Variants in ABI3BP observed in about 807,000 individuals in gnomAD.
ABI3BP encodes target of Nesh-SH3.
ABI3BP carries 216 observed loss-of-function variants against 268.6 expected under a neutral mutation model. The observed-to-expected ratio is 0.80, with a 90% CI of 0.72 to 0.90. The LOEUF (loss-of-function observed/expected upper bound fraction) is 0.90. ABI3BP is among the 40% of genes least tolerant of loss of function. The pLI is 0.00. For missense variants in ABI3BP, 2,090 were observed against 2,182.4 expected (o/e 0.96, Z 0.84); for synonymous variants, 730 against 730.0 (o/e 1.00, Z 0.00).
chr3:100,799,140 A>G (rs934827580), intron 51 of ABI3BP, among the ~76,000 whole-genome samples: 1 of 152,192 alleles, frequency 6.6e-6, no homozygotes, highest in Non-Finnish European at 1.5e-5. Context: ...CATTTCCTTG[A>G]CATGGCTTCT....
intron 4 of ABI3BP, among the ~76,000 whole-genome samples, chr3:100,894,666 G>A (rs186962088): frequency 1.1e-4 from 17 of 152,158 alleles, no homozygotes; most frequent in East Asian, 7.7e-4. Context: ...ACGGCCGGGC[G>A]CGGTGGCTCA....
chr3:100,811,041 A>G (rs2097850516), intron 48 of ABI3BP, among the ~76,000 whole-genome samples, 189 bp downstream of exon 48: 1 of 152,154 alleles, frequency 6.6e-6, no homozygotes, highest in African/African-American at 2.4e-5. Context: ...GTCTTGTTAC[A>G]CAACTGAATG....
chr3:100,950,739 A>G (rs2074595701), intron 1 of ABI3BP, among the ~76,000 whole-genome samples: 1 of 151,962 alleles, frequency 6.6e-6, no homozygotes, highest in Non-Finnish European at 1.5e-5. Flanking sequence ...ATGGCATTTC[A>G]TATCTTTTCC....
intron 1 of ABI3BP, among the ~76,000 whole-genome samples, chr3:100,938,868 CA>C (rs1336489964): frequency 6.6e-6 from 1 of 151,974 alleles, no homozygotes; most frequent in South Asian, 2.1e-4. Context: ...GGTATGATGG[CA>C]TGAAAGAACA....
rs2097854782 is a variant in ABI3BP at position 100,811,232 on chromosome 3, A to G, written c.3539T>C (p.Leu1180Pro). 3 of 1,534,010 alleles carry G rather than the reference A, an allele frequency of 2.0e-6. No homozygotes were observed. The highest frequency in any genetic ancestry group is 2.6e-6 in the Non-Finnish European group (3 of 1,145,698). ...GGTTGGGCTACCGAGGTTATTACCT[A>G]GTGTGGTCTCAGGTGGTTCAGATAC... ...TYVSEPPETT[L>P]ETSPLPSQSI... The change falls in exon 48 of 68, where the codon CTA becomes CCA. Residue 1180 changes from leucine to proline, a missense_variant and splice_region_variant. Physicochemically the swap from Leu to Pro is moderately conservative, Grantham distance 98. Transcript: ENST00000471714.
Position 100,816,781 on chromosome 3 carries a change from A to C in ABI3BP, c.3149-13T>G. ...TGTGTTTTAGGAGCTGAAGGAAGAA[A>C]CTTTGGATTACTCTAGTGCAGGTGG... On this transcript the variant is annotated splice_polypyrimidine_tract_variant and intron_variant, in intron 42 of 67. Transcript: ENST00000471714. The C allele has an allele frequency of 6.5e-7, 1 of 1,534,870 alleles. No homozygotes were observed. Among genetic ancestry groups the C allele is most frequent in the Non-Finnish European group, 8.7e-7 (1 of 1,145,870 alleles).
At chr3:100,971,378 A>G (rs1200769387) in intron 1 of ABI3BP, among the ~76,000 whole-genome samples, 2 of 152,214 alleles carry the variant, frequency 1.3e-5, no homozygotes, top group Non-Finnish European at 2.9e-5. Context: ...TCGGTAAATA[A>G]AAAGCAAGTG....
intron 1 of ABI3BP, among the ~76,000 whole-genome samples, chr3:100,972,695 C>A (rs1261568844): frequency 6.6e-6 from 1 of 152,120 alleles, no homozygotes; most frequent in Non-Finnish European, 1.5e-5. Flanking sequence ...GGGGAAAACA[C>A]CCATGCTAAA....
rs2097233451 is a variant in ABI3BP at position 100,792,757 on chromosome 3, G to T, written c.3958C>A (p.Gln1320Lys). ...ELQTTLEETD[Q>K]STQEPFTTKI... ...GTTGTGAAAGGTTCTTGGGTGGATT[G>T]GTCTGTTTCTTCTAGAGAAAACACA... Residue 1320 changes from glutamine (Q) to lysine (K), a missense_variant, in exon 55 of 68, where the codon CAA becomes AAA. By Grantham distance (53) the Gln-to-Lys change is moderately conservative. Coordinates refer to ENST00000471714, the MANE Select transcript of ABI3BP (RefSeq NM_001375547.2). The T allele has an allele frequency of 1.2e-6, 2 of 1,611,096 alleles. No individual in the cohort carries two copies. Among genetic ancestry groups the T allele is most frequent in the African/African-American group, 2.7e-5 (2 of 74,842 alleles).
chr3:100,844,096 T>G (rs1388859861), intron 20 of ABI3BP: 1 of 982,530 alleles, frequency 1.0e-6, no homozygotes. Context: ...TAAGGTATTA[T>G]AGGTAAAGGT....
intron 43 of ABI3BP, chr3:100,816,345 C>T (rs1450829610): frequency 5.1e-5 from 22 of 430,670 alleles, no homozygotes; most frequent in Non-Finnish European, 8.3e-5. Flanking sequence ...AAAATAAATG[C>T]CTGTTTATGT....
intron 38 of ABI3BP, among the ~76,000 whole-genome samples, 186 bp from the exon 39 acceptor site, chr3:100,821,299 T>C (rs149626049): frequency 6.6e-6 from 1 of 152,206 alleles, no homozygotes; most frequent in African/African-American, 2.4e-5. Context: ...CTAACTCAGG[T>C]ACCTATTTCC....
chr3:100,873,610 TTA>T (rs1302584764), intron 9 of ABI3BP, among the ~76,000 whole-genome samples: 1 of 152,172 alleles, frequency 6.6e-6, no homozygotes, highest in Non-Finnish European at 1.5e-5. Flanking sequence ...CAGCCTATTG[TTA>T]TGTTTCACGG....
At chr3:100,825,665 A>C (rs2098367581) in intron 35 of ABI3BP, 120 bp downstream of exon 35, 1 of 784,264 alleles carries the variant, frequency 1.3e-6, no homozygotes, top group South Asian at 1.5e-5. Flanking sequence ...GGTCACAGGC[A>C]GTGATGTTTG....
chr3:100,808,276 A>G, intron 49 of ABI3BP, 41 bp from the exon 50 acceptor site: 2 of 1,491,066 alleles, frequency 1.3e-6, no homozygotes, highest in African/African-American at 1.4e-5. Flanking sequence ...TGAGCCCTTC[A>G]AGAATGACAG....
chr3:100,971,657 C>A (rs191347350), intron 1 of ABI3BP, among the ~76,000 whole-genome samples: 29 of 152,258 alleles, frequency 1.9e-4, no homozygotes, highest in Non-Finnish European at 5.9e-5. Flanking sequence ...GAATTTTTCC[C>A]CTTAACTGTC....
chr3:100,842,429 G>C (rs1200205558), intron 20 of ABI3BP, among the ~76,000 whole-genome samples: 1 of 152,174 alleles, frequency 6.6e-6, no homozygotes, highest in Non-Finnish European at 1.5e-5. Flanking sequence ...CTGGTACTGT[G>C]TCTGTGCTGT....
At chr3:100,871,804 C>G (rs780201514) in intron 9 of ABI3BP, among the ~76,000 whole-genome samples, 11 of 152,090 alleles carry the variant, frequency 7.2e-5, no homozygotes, top group Admixed American at 1.3e-4. Flanking sequence ...AAGAAATTCT[C>G]CATGTGTTAA....
chr3:100,760,308 AAGG>A (rs2095866556), intron 63 of ABI3BP, among the ~76,000 whole-genome samples: 1 of 151,948 alleles, frequency 6.6e-6, no homozygotes, highest in African/African-American at 2.4e-5. Context: ...TCAGTAAAGT[AAGG>A]AGAGAGGTGA....
Sources: gnomAD v4.1 joint callset for allele counts (sites outside exome capture counted in the v4.1 genomes callset) on GRCh38, gnomAD v4.1.1 for gene constraint, MANE v1.5 for transcripts, NCBI Gene and HGNC (gene_info 2026-07-23, HGNC 2026-07-21) for gene names.